GABRB3: variants seen among roughly 807,000 people sequenced by gnomAD.
The protein encoded by GABRB3 is gamma-aminobutyric acid receptor subunit beta-3.
A neutral mutation model predicts 52.1 loss-of-function variants in GABRB3; 14 were observed. That is an observed-to-expected ratio of 0.27 (90% confidence interval 0.18 to 0.42). GABRB3 has a LOEUF of 0.42. Among genes scored for constraint, GABRB3 ranks in the 10% least tolerant of loss-of-function variants. The pLI is 1.00. For synonymous variants in GABRB3, 260 were observed against 232.3 expected (o/e 1.12, Z -1.08); for missense variants, 307 against 609.1 (o/e 0.50, Z 5.22).
intron 3 of GABRB3, among the ~76,000 whole-genome samples, chr15:26,758,773 G>GA (rs1224125461): frequency 2.1e-5 from 3 of 145,964 alleles, no homozygotes; most frequent in African/African-American, 7.4e-5. Flanking sequence ...AAGAGAAAAA[G>GA]AAAAAAAGAA....
chr15:26,570,306 T>G (rs900287037), intron 6 of GABRB3, among the ~76,000 whole-genome samples: 1 of 152,214 alleles, frequency 6.6e-6, no homozygotes, highest in African/African-American at 2.4e-5. Context: ...GAGGCTTCCC[T>G]TCATATACAT....
intron 7 of GABRB3, 125 bp from the exon 8 acceptor site, chr15:26,561,301 G>T (rs900937526): frequency 7.4e-7 from 1 of 1,343,344 alleles, no homozygotes; most frequent in South Asian, 1.2e-5. Context: ...ATACTGTGGG[G>T]TGACTGGAAT....
intron 8 of GABRB3, among the ~76,000 whole-genome samples, chr15:26,557,118 T>C (rs1889782204): frequency 6.6e-6 from 1 of 152,192 alleles, no homozygotes; most frequent in African/African-American, 2.4e-5. Context: ...GATCATGTCC[T>C]CTGCAACAAC....
chr15:26,719,024 A>G (rs1193807273), intron 3 of GABRB3, among the ~76,000 whole-genome samples: 1 of 152,126 alleles, frequency 6.6e-6, no homozygotes, highest in Non-Finnish European at 1.5e-5. Context: ...GCATCTCCTC[A>G]TGGTCCCCAC....
chr15:26,562,878 G>GA (rs1162621802), intron 7 of GABRB3, among the ~76,000 whole-genome samples: 1 of 152,198 alleles, frequency 6.6e-6, no homozygotes, highest in African/African-American at 2.4e-5. Context: ...GTTGCTGACG[G>GA]AATGTATGGA....
chr15:26,709,341 C>T (rs573067065), intron 3 of GABRB3, among the ~76,000 whole-genome samples: 5 of 151,928 alleles, frequency 3.3e-5, no homozygotes, highest in Non-Finnish European at 7.4e-5. Context: ...AAGGCCCGTA[C>T]CCCCTACCTC....
intron 3 of GABRB3, among the ~76,000 whole-genome samples, chr15:26,749,005 A>C (rs867126861): frequency 1.3e-5 from 2 of 152,090 alleles, no homozygotes; most frequent in Non-Finnish European, 2.9e-5. Flanking sequence ...AGCCTGGGCA[A>C]TAGAATGAGA....
At chr15:26,554,676 C>T (rs1371869988) in intron 8 of GABRB3, among the ~76,000 whole-genome samples, 1 of 152,130 alleles carries the variant, frequency 6.6e-6, no homozygotes, top group Non-Finnish European at 1.5e-5. Flanking sequence ...GTACCACGTC[C>T]GCGTCATGGG....
chr15:26,641,808 A>G (rs760280334), intron 3 of GABRB3, among the ~76,000 whole-genome samples: 5 of 152,216 alleles, frequency 3.3e-5, no homozygotes, highest in Non-Finnish European at 5.9e-5. Flanking sequence ...AGAACAGGGA[A>G]AACAGACAGC....
chr15:26,732,236 AGATG>A (rs879384302), intron 3 of GABRB3, among the ~76,000 whole-genome samples: 3 of 148,218 alleles, frequency 2.0e-5, no homozygotes, highest in Non-Finnish European at 4.5e-5. Context: ...ATGGGTGGAC[AGATG>A]GATGGATGGA....
intron 7 of GABRB3, among the ~76,000 whole-genome samples, chr15:26,562,083 AT>A (rs1258263459): frequency 6.6e-6 from 1 of 152,176 alleles, no homozygotes; most frequent in Non-Finnish European, 1.5e-5. Flanking sequence ...AGCAATAGAC[AT>A]AAGATTCTGC....
intron 3 of GABRB3, among the ~76,000 whole-genome samples, chr15:26,725,535 T>G (rs1440474196): frequency 6.6e-6 from 1 of 152,270 alleles, no homozygotes; most frequent in Non-Finnish European, 1.5e-5. Context: ...GATGCTTACA[T>G]GCAAATTACT....
chr15:26,550,207 A>C (rs1373757808), intron 8 of GABRB3: 1 of 152,212 alleles, frequency 6.6e-6, no homozygotes, highest in Non-Finnish European at 1.5e-5. Context: ...AAAACTGAGG[A>C]CTTGAGTCAC....
chr15:26,717,803 T>C (rs1889536564), intron 3 of GABRB3, among the ~76,000 whole-genome samples: 5 of 152,230 alleles, frequency 3.3e-5, no homozygotes, highest in Admixed American at 3.3e-4. Flanking sequence ...CAGTCTGGTA[T>C]TTGGCGTTAA....
At chr15:26,754,635 A>T (rs1031760357) in intron 3 of GABRB3, among the ~76,000 whole-genome samples, 1 of 152,172 alleles carries the variant, frequency 6.6e-6, no homozygotes, top group Admixed American at 6.5e-5. Context: ...AACTACATGG[A>T]AAACAGTCTC....
At chr15:26,583,876 G>A (rs1277334324) in intron 4 of GABRB3, among the ~76,000 whole-genome samples, 1 of 150,684 alleles carries the variant, frequency 6.6e-6, no homozygotes, top group Non-Finnish European at 1.5e-5. Context: ...CCAGGTTCAC[G>A]CCGTTCTCCT....
chr15:26,767,492 T>C (rs1314348595), intron 3 of GABRB3, among the ~76,000 whole-genome samples: 1 of 152,140 alleles, frequency 6.6e-6, no homozygotes, highest in Non-Finnish European at 1.5e-5. Context: ...ATCAATTGTG[T>C]CCCCACACAA....
chr15:26,692,476 G>A (rs923695049), intron 3 of GABRB3, among the ~76,000 whole-genome samples: 4 of 151,968 alleles, frequency 2.6e-5, no homozygotes, highest in Non-Finnish European at 5.9e-5. Flanking sequence ...AAAACAATCA[G>A]TTATAGTCCA....
chr15:26,601,813 C>A (rs889882914), intron 4 of GABRB3, among the ~76,000 whole-genome samples: 1 of 151,916 alleles, frequency 6.6e-6, no homozygotes, highest in African/African-American at 2.4e-5. Context: ...GAGCAAATCA[C>A]CTTCACAAAA....
Sources: gnomAD v4.1 joint callset for allele counts (sites outside exome capture counted in the v4.1 genomes callset) on GRCh38, gnomAD v4.1.1 for gene constraint, MANE v1.5 for transcripts, NCBI Gene and HGNC (gene_info 2026-07-23, HGNC 2026-07-21) for gene names.